The following RUFY1 variants were observed in gnomAD, a reference collection of about 807,000 sequenced individuals.
The protein encoded by RUFY1 is RUN and FYVE domain-containing protein 1.
Under a neutral mutation model 94.6 loss-of-function variants are expected in RUFY1, and 54 were observed. The ratio of observed to expected loss-of-function variants is 0.57; its 90% CI spans 0.46 to 0.72. The LOEUF (loss-of-function observed/expected upper bound fraction) is 0.72. RUFY1 is among the 30% of genes least tolerant of loss of function. The pLI is 0.00. For missense variants in RUFY1, 883 were observed against 883.9 expected (o/e 1.00, Z 0.01); for synonymous variants, 396 against 347.3 (o/e 1.14, Z -1.56).
intron 7 of RUFY1, among the ~76,000 whole-genome samples, chr5:179,584,586 A>G (rs2127545225): frequency 6.6e-6 from 1 of 151,976 alleles, no homozygotes; most frequent in East Asian, 1.9e-4. Context: ...GTTCAAGATC[A>G]GTCTGGGTGA....
chr5:179,596,579 G>A lies in RUFY1; in HGVS notation c.1529G>A (p.Arg510Gln), dbSNP rs112734071. 215 of 1,613,506 alleles carry A rather than the reference G, an allele frequency of 1.3e-4. 1 individual carries two copies. Among genetic ancestry groups the A allele is most frequent in the African/African-American group, 9.9e-4 (74 of 74,904 alleles). The change falls in exon 13 of 18, where the codon CGG (arginine) becomes CAG (glutamine). Residue 510 changes from arginine to glutamine, a missense_variant. Coordinates refer to ENST00000319449, the MANE Select transcript of RUFY1 (RefSeq NM_025158.5). Reference protein sequence around the residue: ...QMEERLQHSERARQGAEERSH... With the variant: ...QMEERLQHSEQARQGAEERSH... ...GCATCCAGGTTGCAGCACTCGGAGC[G>A]GGCGAGGCAGGGGGCTGAGGAGCGG...
intron 7 of RUFY1, among the ~76,000 whole-genome samples, chr5:179,582,287 C>T (rs989927270): frequency 1.3e-5 from 2 of 151,962 alleles, no homozygotes; most frequent in African/African-American, 4.8e-5. Context: ...TGCTGTGGTA[C>T]AATCGTGGCT....
At chr5:179,556,593 C>A (rs772718141) in intron 1 of RUFY1, among the ~76,000 whole-genome samples, 9 of 151,992 alleles carry the variant, frequency 5.9e-5, no homozygotes, top group Admixed American at 4.6e-4. Context: ...CTCCGCCTCC[C>A]GAGTTCAAGT....
chr5:179,559,066 C>T (rs1407403126), intron 1 of RUFY1, among the ~76,000 whole-genome samples: 1 of 152,218 alleles, frequency 6.6e-6, no homozygotes, highest in Non-Finnish European at 1.5e-5. Flanking sequence ...TCCCCCGCCC[C>T]CATTCCAATT....
At chr5:179,592,731 T>G (rs565566924) in intron 10 of RUFY1, among the ~76,000 whole-genome samples, 1 of 152,350 alleles carries the variant, frequency 6.6e-6, no homozygotes, top group South Asian at 2.1e-4. Flanking sequence ...TTTGCATGGA[T>G]GCAGGGAAAC....
chr5:179,609,198 C>T (rs1247002833), intron 17 of RUFY1, among the ~76,000 whole-genome samples, 178 bp from the exon 18 acceptor site: 2 of 82,154 alleles, frequency 2.4e-5, no homozygotes, highest in African/African-American at 4.1e-5. Context: ...CTGAGCAAGA[C>T]TCTATCTCAA....
intron 15 of RUFY1, among the ~76,000 whole-genome samples, chr5:179,605,304 T>C (rs1766949038): frequency 6.7e-6 from 1 of 150,142 alleles, no homozygotes; most frequent in Non-Finnish European, 1.5e-5. Flanking sequence ...AGGATCAGAC[T>C]GTTTCCCTCA....
chr5:179,596,668 C>T lies in RUFY1; in HGVS notation c.1618C>T (p.Leu540=), dbSNP rs959335957. ...CGCCCTGCAGCTGCAGCTCTCCCAG[C>T]TGCACGAGCAATGGTAGGGGCCCTG... is the stretch of plus-strand genomic sequence containing the variant. ...IGALQLQLSQ[L]HEQCSSLEKE... The change falls in exon 13 of 18, where the codon CTG becomes TTG. Residue 540 remains leucine (L), a synonymous_variant. Transcript: ENST00000319449. The T allele has an allele frequency of 2.5e-6, 4 of 1,603,348 alleles. No individual in the cohort carries two copies. The highest frequency in any genetic ancestry group is 2.6e-6 in the Non-Finnish European group (3 of 1,176,108).
At position 179,560,022 on chromosome 5, in the gene RUFY1, C is replaced by T. The variant is rs1470901066; in HGVS notation, c.311-3C>T. 5.0e-6 allele frequency: 8 copies of T among 1,612,480 alleles called. No homozygotes were observed. The highest frequency in any genetic ancestry group is 1.3e-5 in the African/African-American group (1 of 75,050). On this transcript the variant is annotated splice_region_variant and splice_polypyrimidine_tract_variant and intron_variant, in intron 1 of 17. Coordinates refer to ENST00000319449, the MANE Select transcript of RUFY1 (RefSeq NM_025158.5). ...CGAAGCTATCCCTGCTCCTGCCCCA[C>T]AGCTTCTAAGTGCCAGATGATGGAG...
chr5:179,595,516 C>T (rs1276610374), intron 12 of RUFY1, among the ~76,000 whole-genome samples: 2 of 151,538 alleles, frequency 1.3e-5, no homozygotes, highest in Non-Finnish European at 2.9e-5. Context: ...GTTAGGGCAG[C>T]TACGGTTTCT....
chr5:179,603,920 G>C (rs1238921094), intron 15 of RUFY1, among the ~76,000 whole-genome samples: 3 of 152,168 alleles, frequency 2.0e-5, no homozygotes, highest in Non-Finnish European at 4.4e-5. Flanking sequence ...AGCCGGGCAT[G>C]GTGGAGCGCG....
Position 179,591,892 on chromosome 5 carries a change from A to G in RUFY1, c.1245+151A>G, listed in dbSNP as rs374747226. The G allele has an allele frequency of 5.7e-5, 28 of 491,794 alleles. No individual in the cohort carries two copies. The East Asian group carries it at 8.8e-4, about 16-fold the overall frequency. 30.5% of individuals were successfully genotyped at this position (491,794 alleles called of 1,614,324 possible). ...AATTTTTTTTAAGTCTATGGTTACA[A>G]CTCAGTTGTGCATTGTCACTCATAT... On this transcript the variant is annotated intron_variant, in intron 10 of 17. Transcript: ENST00000319449.
At position 179,550,664 on chromosome 5, in the gene RUFY1, C is replaced by T; in HGVS notation, c.95C>T (p.Pro32Leu). Reference sequence around the variant, plus strand: ...CCGGGGCCCGGGTCAGCGCTTGAGCCGGGAGAAGAGTTTGAGATCGTGGAC... The same window carrying T: ...CCGGGGCCCGGGTCAGCGCTTGAGCTGGGAGAAGAGTTTGAGATCGTGGAC... ...PGPGPGSALE[P>L]GEEFEIVDRS... Residue 32 changes from proline (P) to leucine (L), a missense_variant, in exon 1 of 18, where the codon CCG becomes CTG. Transcript: ENST00000319449. 2 of 1,485,042 alleles carry T rather than the reference C, an allele frequency of 1.3e-6. No individual in the cohort carries two copies. The highest frequency in any genetic ancestry group is 1.8e-6 in the Non-Finnish European group (2 of 1,123,810). 92.0% of individuals were successfully genotyped at this position (1,485,042 alleles called of 1,614,324 possible).
chr5:179,580,067 CTG>C (rs903121375), intron 6 of RUFY1, among the ~76,000 whole-genome samples: 3 of 151,988 alleles, frequency 2.0e-5, no homozygotes, highest in African/African-American at 7.2e-5. Context: ...ATATTCCACA[CTG>C]TGGTATATTT....
chr5:179,576,750 T>G (rs1288676830), intron 5 of RUFY1, among the ~76,000 whole-genome samples: 1 of 152,114 alleles, frequency 6.6e-6, no homozygotes, highest in Non-Finnish European at 1.5e-5. Flanking sequence ...CCAGAACTTT[T>G]TATTATTATT....
Position 179,605,237 on chromosome 5 carries a change from C to T in RUFY1, c.1857-639C>T, listed in dbSNP as rs528317243. Among the ~76,000 whole-genome samples, 9 of 150,806 alleles carry T rather than the reference C, an allele frequency of 6.0e-5. No individual in the cohort carries two copies. In the East Asian group the frequency reaches 1.4e-3, roughly 23 times the overall value. ...AAGGTTGCAGTGAGCCATGATTGCA[C>T]CACTGCATTCCAGCCTGGGCAATAT... On this transcript the variant is annotated intron_variant, in intron 15 of 17. Transcript: ENST00000319449.
At chr5:179,555,269 G>C (rs148528908) in intron 1 of RUFY1, among the ~76,000 whole-genome samples, 106 of 152,288 alleles carry the variant, frequency 7.0e-4, no homozygotes, top group African/African-American at 2.5e-3. Flanking sequence ...GAGCCCAGGA[G>C]TCTGATACTG....
At chr5:179,567,316 C>G in intron 3 of RUFY1, 145 bp from the exon 4 acceptor site, 1 of 645,358 alleles carries the variant, frequency 1.5e-6, no homozygotes. Context: ...ATGTGCATCC[C>G]TCCCCAACCC....
In RUFY1 at chr5:179,592,348, G is replaced by C. The variant is rs115552038; in HGVS notation, c.1245+607G>C. 4.1e-3 allele frequency among the ~76,000 whole-genome samples: 624 copies of C among 152,306 alleles called. 4 individuals are homozygous for C. Among genetic ancestry groups the C allele is most frequent in the African/African-American group, 0.014 (597 of 41,556 alleles). The stretch of plus-strand genomic sequence containing the variant: ...TTGGCCAAGATGTTCTCCATCTCCT[G>C]ACTTTGTGATCCGCCCGCCTGAGCC... On this transcript the variant is annotated intron_variant, in intron 10 of 17. Coordinates refer to ENST00000319449, the MANE Select transcript of RUFY1 (RefSeq NM_025158.5).
Sources: allele counts gnomAD v4.1 joint callset (sites outside exome capture counted in the v4.1 genomes callset), GRCh38; gene constraint gnomAD v4.1.1; transcripts MANE v1.5; gene names NCBI Gene and HGNC (gene_info 2026-07-23, HGNC 2026-07-21).